The following MEG3 variants were observed in gnomAD, a reference collection of about 807,000 sequenced individuals.
MEG3 encodes the protein Very putative protein from MEG3 locus.
intron 3 of MEG3, chr14:100,849,167 G>C (rs2037998698): frequency 6.6e-6 from 1 of 152,162 alleles, no homozygotes; most frequent in African/African-American, 2.4e-5. Flanking sequence ...ATATGTGGGA[G>C]AGTGGACCAC....
exon 2 of MEG3, chr14:100,860,851 C>G (rs2140018236): frequency 2.7e-6 from 1 of 366,834 alleles, no homozygotes; most frequent in Middle Eastern, 5.8e-4. Flanking sequence ...GCCCACCCCG[C>G]AGGAACCCTG....
At chr14:100,842,687 C>T (rs749256849) in intron 2 of MEG3, among the ~76,000 whole-genome samples, 1 of 152,178 alleles carries the variant, frequency 6.6e-6, no homozygotes, top group African/African-American at 2.4e-5. Flanking sequence ...GTGTTTGAAA[C>T]AGCCATAAGT....
At chr14:100,829,722 C>A (rs1030834834), downstream of MEG3, 16 of 152,222 alleles carry the variant, frequency 1.1e-4, no homozygotes, top group African/African-American at 3.9e-4. Flanking sequence ...TCCAGGCAGC[C>A]CTTGTCCACG....
intron 1 of MEG3, chr14:100,860,632 C>T (rs2038377271): frequency 2.2e-6 from 1 of 456,426 alleles, no homozygotes; most frequent in Admixed American, 2.4e-5. Flanking sequence ...TCTGTGAACT[C>T]TTGTCGGCCA....
chr14:100,840,594 C>T (rs913849133), intron 2 of MEG3, among the ~76,000 whole-genome samples: 1 of 152,184 alleles, frequency 6.6e-6, no homozygotes, highest in Non-Finnish European at 1.5e-5. Context: ...GCCCCTTGCC[C>T]TTGTGTGTGT....
At chr14:100,841,932 TGGCCCAGTC>T (rs2037773657) in intron 2 of MEG3, among the ~76,000 whole-genome samples, 1 of 152,158 alleles carries the variant, frequency 6.6e-6, no homozygotes, top group Admixed American at 6.5e-5. Context: ...GTTGGCACGG[TGGCCCAGTC>T]GGCTGAGAAC....
rs1207633461 is a variant in MEG3, at chr14:100,837,870, C to T, written n.3045+1570C>T. ...TCTAACCTGGGGCTGTTGCCTTTGT[C>T]TGCTTGTTTCTGCTCTCTGGAGAGC... On this transcript the variant is annotated intron_variant and non_coding_transcript_variant, in intron 2 of 3. Transcript: ENST00000398461. The surrounding 1 kb of genome is among the most constrained non-coding windows in gnomAD (Gnocchi z 5.8). Among the ~76,000 whole-genome samples the T allele has an allele frequency of 6.6e-6, 1 of 152,022 alleles. No individual in the cohort carries two copies. Among genetic ancestry groups the T allele is most frequent in the Non-Finnish European group, 1.5e-5 (1 of 68,022 alleles).
chr14:100,831,776 C>T (rs960912037), downstream of MEG3: 2 of 152,178 alleles, frequency 1.3e-5, no homozygotes, highest in African/African-American at 4.8e-5. Context: ...AGTCAGGAGT[C>T]GCTGCCTGGG....
chr14:100,837,672 C>T lies in MEG3; in HGVS notation n.3045+1372C>T, dbSNP rs1370596844. On this transcript the variant is annotated intron_variant and non_coding_transcript_variant, in intron 2 of 3. Coordinates refer to the MEG3 transcript ENST00000398461. The surrounding 1 kb of genome is among the most constrained non-coding windows in gnomAD (Gnocchi z 5.8). Reference sequence around the variant, plus strand: ...GCAGGCCTCCGCCCTCCGCCACCCCCCACCCCCGGAGTGTCTCTGGTTTCC... The same window carrying T: ...GCAGGCCTCCGCCCTCCGCCACCCCTCACCCCCGGAGTGTCTCTGGTTTCC... Among the ~76,000 whole-genome samples, 1 of 152,040 alleles carries T rather than the reference C, an allele frequency of 6.6e-6. No homozygotes were observed. The highest frequency in any genetic ancestry group is 1.9e-4 in the East Asian group (1 of 5,162).
downstream of MEG3, chr14:100,830,344 AACACACACACACACACACACACACACAC>A (rs142049070): frequency 1.7e-4 from 5 of 30,288 alleles, no homozygotes; most frequent in Admixed American, 4.2e-4. Context: ...TGGAGATTAA[AACACACACACACACACACACACACACAC>A]ACACACACAC....
chr14:100,853,956 G>A (rs1190098866), upstream of MEG3: 1 of 152,204 alleles, frequency 6.6e-6, no homozygotes, highest in Non-Finnish European at 1.5e-5. Context: ...AATGATGAAT[G>A]AGTGGATGGA....
chr14:100,834,870 C>T (rs994333197), exon 1 of MEG3: 102 of 452,484 alleles, frequency 2.3e-4, no homozygotes, highest in African/African-American at 1.3e-3. Context: ...GAGCAGCTTC[C>T]GACCCCTGCC....
chr14:100,827,114 G>A (rs1375605599), intron 1 of MEG3, among the ~76,000 whole-genome samples: 1 of 152,166 alleles, frequency 6.6e-6, no homozygotes, highest in African/African-American at 2.4e-5. Context: ...AGAGCGTTGC[G>A]TGGTGGTCGC....
exon 1 of MEG3, chr14:100,858,498 C>A (rs1204292798): frequency 6.5e-6 from 1 of 152,710 alleles, no homozygotes; most frequent in Non-Finnish European, 1.5e-5. Flanking sequence ...TCCCCACTCC[C>A]CACTCACGGC....
At chr14:100,828,707 G>T in intron 1 of MEG3, 1 of 151,786 alleles carries the variant, frequency 6.6e-6, no homozygotes. Flanking sequence ...CCATGCCATA[G>T]GGTCTCTCCT....
In MEG3 at chr14:100,845,647, G is replaced by A. The variant is rs1450626869; in HGVS notation, n.3121+114G>A. On this transcript the variant is annotated intron_variant and non_coding_transcript_variant, in intron 3 of 3. Coordinates refer to the MEG3 transcript ENST00000398461. This position sits in a 1 kb window ranked among gnomAD's most constrained non-coding sequence, Gnocchi z 5.2. ...GTGGAGGGGCTGGCGGGCACTGGCC[G>A]GGGGTCTGTGCACCGGGAGGTGGGT... 5.3e-6 allele frequency: 2 copies of A among 376,272 alleles called. No individual in the cohort carries two copies. Among genetic ancestry groups the A allele is most frequent in the Non-Finnish European group, 1.1e-5 (2 of 187,598 alleles). The allele number at this position is 376,272 out of a possible 1,614,324, so 23.3% of individuals were successfully genotyped here. A position where few individuals can be genotyped will look rare whatever the true frequency, so the allele number is the denominator to read the frequency against.
upstream of MEG3, chr14:100,852,520 G>A (rs945244306): frequency 2.1e-6 from 1 of 478,798 alleles, no homozygotes; most frequent in Admixed American, 2.2e-5. Flanking sequence ...TCCAGGCTAT[G>A]CCTTGGCTGG....
chr14:100,832,603 TTGTC>T (rs1471681233), downstream of MEG3: 1 of 152,652 alleles, frequency 6.6e-6, no homozygotes, highest in Non-Finnish European at 1.5e-5. Context: ...GGATCCTTCT[TTGTC>T]TGCGAAGGAA....
chr14:100,834,428 A>C (rs1422524295), exon 1 of MEG3: 3 of 276,440 alleles, frequency 1.1e-5, no homozygotes, highest in African/African-American at 6.7e-5. Context: ...AGCCCTAAAA[A>C]CTTTCAAAAG....
Sources: allele counts gnomAD v4.1 joint callset (sites outside exome capture counted in the v4.1 genomes callset), GRCh38; gene constraint gnomAD v4.1.1; non-coding constraint Gnocchi (gnomAD v3.1); transcripts MANE v1.5; gene names NCBI Gene and HGNC (gene_info 2026-07-23, HGNC 2026-07-21).